KCNQ5: variants seen among roughly 807,000 people sequenced by gnomAD.
The protein encoded by KCNQ5 is potassium voltage-gated channel subfamily KQT member 5.
In KCNQ5, 30 loss-of-function variants were observed where a neutral mutation model predicts 98.2. The ratio of observed to expected loss-of-function variants is 0.31; its 90% CI spans 0.23 to 0.41. The LOEUF (loss-of-function observed/expected upper bound fraction) is 0.41. KCNQ5 is among the 10% of genes least tolerant of loss of function. The pLI is 1.00. For synonymous variants in KCNQ5, 458 were observed against 449.4 expected, an observed-to-expected ratio of 1.02 and a Z score of -0.24; for missense variants, 835 against 1,182.5, an observed-to-expected ratio of 0.71 and a Z score of 4.31.
intron 1 of KCNQ5, among the ~76,000 whole-genome samples, chr6:72,893,920 G>A (rs1232987688): frequency 1.3e-5 from 2 of 152,156 alleles, no homozygotes; most frequent in East Asian, 3.9e-4. Flanking sequence ...GCTCCTAGCA[G>A]GGATTCTCAT....
rs142085798 is a variant in KCNQ5 at position 73,096,296 on chromosome 6, G to A, written c.919-8961G>A. On this transcript the variant is annotated intron_variant, in intron 5 of 13. Transcript: ENST00000370398. ...CCTGAATGCAAACCTGGAAGTAACA[G>A]AAATTCAGAAAGAGAAAAGCAAGGG... Among the ~76,000 whole-genome samples, 6 of 95,772 alleles carry A rather than the reference G, an allele frequency of 6.3e-5. No homozygotes were observed. In the East Asian group the frequency reaches 2.1e-3, roughly 33 times the overall value. 62.8% of individuals were successfully genotyped at this position (95,772 alleles called of 152,430 possible). A position where few individuals can be genotyped will look rare whatever the true frequency, so the allele number is the denominator to read the frequency against.
intron 1 of KCNQ5, among the ~76,000 whole-genome samples, chr6:72,783,703 A>G (rs1443781927): frequency 6.6e-6 from 1 of 152,248 alleles, no homozygotes; most frequent in Non-Finnish European, 1.5e-5. Flanking sequence ...AGTTATATCA[A>G]CATTACCCAA....
chr6:72,641,305 T>TCA (rs1477721774), intron 1 of KCNQ5, among the ~76,000 whole-genome samples: 4 of 151,894 alleles, frequency 2.6e-5, no homozygotes, highest in South Asian at 2.1e-4. Flanking sequence ...ATCATCAGCA[T>TCA]CACACACACA....
intron 1 of KCNQ5, among the ~76,000 whole-genome samples, chr6:72,694,296 C>T (rs1206619741): frequency 2.0e-5 from 3 of 152,130 alleles, no homozygotes; most frequent in Admixed American, 6.6e-5. Flanking sequence ...GTTGTGCCCC[C>T]CTGTGGCTGG....
intron 1 of KCNQ5, among the ~76,000 whole-genome samples, chr6:72,968,149 C>T (rs1437773984): frequency 1.3e-5 from 2 of 152,138 alleles, no homozygotes; most frequent in African/African-American, 4.8e-5. Context: ...AACACACACA[C>T]ACTCACAGTG....
chr6:72,822,768 T>C (rs1014111198), intron 1 of KCNQ5, among the ~76,000 whole-genome samples: 6 of 152,320 alleles, frequency 3.9e-5, no homozygotes, highest in Non-Finnish European at 5.9e-5. Context: ...TATTATCTTA[T>C]AGTTCTGGAG....
intron 1 of KCNQ5, among the ~76,000 whole-genome samples, chr6:72,752,898 A>T (rs1472327216): frequency 6.6e-6 from 1 of 152,138 alleles, no homozygotes; most frequent in Non-Finnish European, 1.5e-5. Flanking sequence ...GAATGAATTG[A>T]TCGAGGTTCT....
At chr6:72,771,067 C>T (rs1423876039) in intron 1 of KCNQ5, among the ~76,000 whole-genome samples, 6 of 152,098 alleles carry the variant, frequency 3.9e-5, no homozygotes, top group Non-Finnish European at 8.8e-5. Context: ...GAAGTTGTTG[C>T]ACATATAGTG....
chr6:72,641,404 A>G (rs888755301), intron 1 of KCNQ5, among the ~76,000 whole-genome samples: 7 of 152,154 alleles, frequency 4.6e-5, no homozygotes, highest in Admixed American at 3.3e-4. Flanking sequence ...CCAGACATTC[A>G]AATAAGCAGA....
At chr6:73,064,263 A>G (rs1383506824) in intron 3 of KCNQ5, among the ~76,000 whole-genome samples, 2 of 152,190 alleles carry the variant, frequency 1.3e-5, no homozygotes, top group Admixed American at 6.5e-5. Flanking sequence ...TCCCAACACT[A>G]CTAAACATAA....
At chr6:72,703,593 A>G (rs548069704) in intron 1 of KCNQ5, among the ~76,000 whole-genome samples, 1 of 152,396 alleles carries the variant, frequency 6.6e-6, no homozygotes, top group African/African-American at 2.4e-5. Context: ...GTACACAGAC[A>G]TAAATTCCTG....
chr6:72,708,042 A>G lies in KCNQ5; in HGVS notation c.398+85455A>G, dbSNP rs191073797. On this transcript the variant is annotated intron_variant, in intron 1 of 13. Transcript: ENST00000370398. ...TTTGTTTCCACCAGCTATCCAGGGCAAAACAGAGTAGGACCACATTAATCC... is the reference window on the plus strand; with the variant it reads ...TTTGTTTCCACCAGCTATCCAGGGCGAAACAGAGTAGGACCACATTAATCC... Among the ~76,000 whole-genome samples, 17 of 152,322 alleles carry G rather than the reference A, an allele frequency of 1.1e-4. No homozygotes were observed. In the East Asian group the frequency reaches 3.3e-3, roughly 29 times the overall value.
intron 1 of KCNQ5, among the ~76,000 whole-genome samples, chr6:72,735,237 T>C (rs1770766936): frequency 6.6e-6 from 1 of 152,226 alleles, no homozygotes; most frequent in African/African-American, 2.4e-5. Context: ...AGGATGGTTC[T>C]CCTGAAAGAA....
At chr6:72,667,044 G>C (rs1766856198) in intron 1 of KCNQ5, among the ~76,000 whole-genome samples, 1 of 152,032 alleles carries the variant, frequency 6.6e-6, no homozygotes, top group South Asian at 2.1e-4. Flanking sequence ...ATATTCATTA[G>C]GAAATAAATG....
At chr6:72,809,005 C>A (rs62412467) in intron 1 of KCNQ5, among the ~76,000 whole-genome samples, 1 of 150,766 alleles carries the variant, frequency 6.6e-6, no homozygotes, top group East Asian at 1.9e-4. Flanking sequence ...TGTCCAACAA[C>A]GATAGACTGG....
rs1288081087 is a variant in KCNQ5 at position 73,055,123 on chromosome 6, C to T, written c.616+13061C>T. The T allele has an allele frequency of 5.3e-6, 4 of 754,940 alleles. No individual in the cohort carries two copies. The East Asian group carries it at 1.0e-4, about 19-fold the overall frequency. 46.8% of individuals were successfully genotyped at this position (754,940 alleles called of 1,614,324 possible). A position where few individuals can be genotyped will look rare whatever the true frequency, so the allele number is the denominator to read the frequency against. Reference sequence around the variant, plus strand: ...TGGCCACCTACAAACTGGTGCAGATCCAGCACAGCGAGAGTGAGTGGAACC... The same window carrying T: ...TGGCCACCTACAAACTGGTGCAGATTCAGCACAGCGAGAGTGAGTGGAACC... On this transcript the variant is annotated intron_variant, in intron 3 of 13. Coordinates refer to ENST00000370398, the MANE Select transcript of KCNQ5 (RefSeq NM_019842.4).
chr6:72,895,745 A>C (rs972037625), intron 1 of KCNQ5, among the ~76,000 whole-genome samples: 2 of 150,756 alleles, frequency 1.3e-5, no homozygotes, highest in African/African-American at 2.4e-5. Context: ...GGCCTAATGC[A>C]TTTATTTAAT....
chr6:72,951,379 C>A (rs747802199), intron 1 of KCNQ5, among the ~76,000 whole-genome samples: 5 of 151,828 alleles, frequency 3.3e-5, no homozygotes, highest in Non-Finnish European at 7.4e-5. Flanking sequence ...CAGGTTCAAC[C>A]AATTCTCCCT....
At chr6:72,693,016 T>A (rs1768289960) in intron 1 of KCNQ5, among the ~76,000 whole-genome samples, 1 of 152,168 alleles carries the variant, frequency 6.6e-6, no homozygotes, top group South Asian at 2.1e-4. Context: ...GGATTATTTT[T>A]TAAAAAGAAT....
Sources: allele counts gnomAD v4.1 joint callset (sites outside exome capture counted in the v4.1 genomes callset), GRCh38; gene constraint gnomAD v4.1.1; transcripts MANE v1.5; gene names NCBI Gene and HGNC (gene_info 2026-07-23, HGNC 2026-07-21).